NAT10: variants seen among roughly 807,000 people sequenced by gnomAD.
NAT10 encodes the protein RNA cytidine acetyltransferase.
A neutral mutation model predicts 132.2 loss-of-function variants in NAT10; 109 were observed. The ratio of observed to expected loss-of-function variants is 0.82; its 90% CI spans 0.71 to 0.97. The LOEUF (loss-of-function observed/expected upper bound fraction) is 0.97, where lower values mean the gene tolerates loss of function less well. NAT10 is among the 50% of genes least tolerant of loss of function. NAT10 has a pLI of 0.00. For synonymous variants in NAT10, 479 were observed against 478.0 expected, an observed-to-expected ratio of 1.00 and a Z score of -0.03; for missense variants, 1,184 against 1,263.4, an observed-to-expected ratio of 0.94 and a Z score of 0.95.
At chr11:34,143,380 T>G in intron 27 of NAT10, 65 bp from the exon 28 acceptor site, 2 of 1,379,368 alleles carry the variant, frequency 1.4e-6, no homozygotes, top group Non-Finnish European at 2.0e-6. Flanking sequence ...TCACTGTCGT[T>G]ATTTTCTCTT....
chr11:34,110,340 G>A (rs754537652), intron 3 of NAT10, among the ~76,000 whole-genome samples: 8 of 151,428 alleles, frequency 5.3e-5, no homozygotes, highest in Non-Finnish European at 1.2e-4. Context: ...TCCTCTGCTT[G>A]GAATGCCACT....
At chr11:34,136,571 C>T (rs1007410220) in intron 19 of NAT10, 71 bp from the exon 20 acceptor site, 29 of 1,586,944 alleles carry the variant, frequency 1.8e-5, no homozygotes, top group Middle Eastern at 1.7e-4. Context: ...GAGTGCGCTG[C>T]GGCAGGGTGC....
intron 4 of NAT10, among the ~76,000 whole-genome samples, 161 bp downstream of exon 4, chr11:34,112,384 C>T (rs918948854): frequency 1.3e-5 from 2 of 152,198 alleles, no homozygotes; most frequent in Non-Finnish European, 2.9e-5. Context: ...TTCCAAAGTA[C>T]ACTCGGTCAC....
Position 34,132,229 on chromosome 11 carries a change from C to T in NAT10, c.1617+8C>T. 2 of 1,605,488 alleles carry T rather than the reference C, an allele frequency of 1.2e-6. No homozygotes were observed. The highest frequency in any genetic ancestry group is 1.1e-5 in the South Asian group (1 of 90,896). On this transcript the variant is annotated splice_region_variant and intron_variant, in intron 15 of 28. Transcript: ENST00000257829. Reference sequence around the variant, plus strand: ...GTGGCTTCTCACTACAAGGTAACTGCAGCTAGCCCTTGTGTGAATGGTAGC... The same window carrying T: ...GTGGCTTCTCACTACAAGGTAACTGTAGCTAGCCCTTGTGTGAATGGTAGC...
chr11:34,118,621 T>A (rs1851828419), intron 8 of NAT10, 118 bp downstream of exon 8: 1 of 707,900 alleles, frequency 1.4e-6, no homozygotes, highest in Non-Finnish European at 2.3e-6. Context: ...AGGGGACTTT[T>A]CCCCTTGCTC....
At chr11:34,133,192 G>A in intron 16 of NAT10, 50 bp downstream of exon 16, 1 of 1,379,674 alleles carries the variant, frequency 7.2e-7, no homozygotes, top group South Asian at 1.2e-5. Context: ...AACCACTGAG[G>A]CATCAGGAAT....
At chr11:34,140,086 A>G (rs139525757) in intron 23 of NAT10, among the ~76,000 whole-genome samples, 1,820 of 152,356 alleles carry the variant, frequency 0.012, 21 homozygotes, top group Non-Finnish European at 0.019. Flanking sequence ...ACACCAAATG[A>G]AGTGACAAAG....
chr11:34,140,322 G>T lies in NAT10; in HGVS notation c.2420-78G>T, dbSNP rs1421914852. ...CTGTTAGATGCTCCTGTGTGTTAGG[G>T]TGCCGCCTGGGGGCTGTGTGCTATC... On this transcript the variant is annotated intron_variant, in intron 23 of 28. Transcript: ENST00000257829. 3 of 1,389,086 alleles carry T rather than the reference G, an allele frequency of 2.2e-6. No homozygotes were observed. In the Admixed American group the frequency reaches 5.5e-5, roughly 26 times the overall value. The allele number at this position is 1,389,086 out of a possible 1,614,324, so 86.0% of individuals were successfully genotyped here. A position where few individuals can be genotyped will look rare whatever the true frequency, so the allele number is the denominator to read the frequency against.
intron 1 of NAT10, chr11:34,107,409 A>G (rs1590757158): frequency 6.6e-6 from 1 of 152,226 alleles, no homozygotes; most frequent in African/African-American, 2.4e-5. Flanking sequence ...ATTGATGGTT[A>G]TTGATTTCCC....
rs540363788 is a variant in NAT10 at position 34,140,133 on chromosome 11, G to A, written c.2420-267G>A. ...TGTAGTTGTGTTCCCCTAACCCTGG[G>A]CCACAGGGAGCTTTTCCTTGGTCCA... On this transcript the variant is annotated intron_variant, in intron 23 of 28. Coordinates refer to ENST00000257829, the MANE Select transcript of NAT10 (RefSeq NM_024662.3). 9.9e-5 allele frequency among the ~76,000 whole-genome samples: 15 copies of A among 151,366 alleles called. No individual in the cohort carries two copies. In the South Asian group the frequency reaches 3.2e-3, roughly 32 times the overall value.
chr11:34,134,418 C>T lies in NAT10; in HGVS notation c.1834C>T (p.Gln612Ter). Reference sequence around the variant, plus strand: ...CCTGATTCCATGGACAGTGTCAGAACAGGTGACGGGCTTTCCCTGGTGTGT... The same window carrying T: ...CCTGATTCCATGGACAGTGTCAGAATAGGTGACGGGCTTTCCCTGGTGTGT... ...GDLIPWTVSEQFQDPDFGGLS... is the reference protein window; with the variant it reads ...GDLIPWTVSE The change falls in exon 17 of 29, where the codon CAG becomes TAG. Residue 612 changes from glutamine to a stop codon, truncating the protein, a stop_gained and splice_region_variant. Coordinates refer to ENST00000257829, the MANE Select transcript of NAT10 (RefSeq NM_024662.3). LOFTEE classifies it high-confidence loss of function. 6 of 1,614,168 alleles carry T rather than the reference C, an allele frequency of 3.7e-6. No individual in the cohort carries two copies. Among genetic ancestry groups the T allele is most frequent in the Non-Finnish European group, 5.1e-6 (6 of 1,180,022 alleles).
At chr11:34,126,857 TGTAA>T (rs1374755823) in intron 11 of NAT10, among the ~76,000 whole-genome samples, 1 of 152,204 alleles carries the variant, frequency 6.6e-6, no homozygotes, top group Admixed American at 6.5e-5. Flanking sequence ...CATAAAGATA[TGTAA>T]GTGTTTATGT....
intron 9 of NAT10, among the ~76,000 whole-genome samples, chr11:34,123,219 A>G (rs1445495575): frequency 6.6e-6 from 1 of 152,180 alleles, no homozygotes; most frequent in Non-Finnish European, 1.5e-5. Context: ...CCAGTGATTT[A>G]CCCAAGATCC....
At chr11:34,141,286 A>C (rs1402686753) in intron 25 of NAT10, 78 bp downstream of exon 25, 1 of 1,592,160 alleles carries the variant, frequency 6.3e-7, no homozygotes, top group Non-Finnish European at 8.6e-7. Context: ...CGAGATGAAC[A>C]CATGTTAGCA....
In NAT10 at chr11:34,133,838, G is replaced by T. The variant is rs76607910; in HGVS notation, c.1735-481G>T. 8.7e-3 allele frequency among the ~76,000 whole-genome samples: 1,330 copies of T among 152,198 alleles called. 27 individuals carry two copies. The highest frequency in any genetic ancestry group is 0.029 in the African/African-American group (1,222 of 41,514). ...CTTCTGCCCTGTAACATGGGGCCTGGTAATTAAGCTCCTGTTAAGAATGGA... is the reference window on the plus strand; with the variant it reads ...CTTCTGCCCTGTAACATGGGGCCTGTTAATTAAGCTCCTGTTAAGAATGGA... On this transcript the variant is annotated intron_variant, in intron 16 of 28. Transcript: ENST00000257829.
intron 8 of NAT10, among the ~76,000 whole-genome samples, chr11:34,121,858 CAAAAAA>C (rs34304264): frequency 0.014 from 511 of 36,820 alleles, 10 homozygotes; most frequent in African/African-American, 0.054. Context: ...GACTCTGTCT[CAAAAAA>C]AAAAAAAAAA....
intron 8 of NAT10, among the ~76,000 whole-genome samples, chr11:34,121,749 A>C (rs2132949765): frequency 6.7e-6 from 1 of 150,282 alleles, no homozygotes; most frequent in East Asian, 2.0e-4. Context: ...AATCCTAGCT[A>C]CTTGGGAGGC....
chr11:34,109,701 A>G (rs1851659687), intron 3 of NAT10, among the ~76,000 whole-genome samples: 1 of 152,220 alleles, frequency 6.6e-6, no homozygotes, highest in African/African-American at 2.4e-5. Context: ...ATTGAGGTAT[A>G]TGGGATATTT....
intron 11 of NAT10, among the ~76,000 whole-genome samples, chr11:34,125,726 G>C (rs1851977402): frequency 6.6e-6 from 1 of 152,184 alleles, no homozygotes; most frequent in Non-Finnish European, 1.5e-5. Flanking sequence ...GCTTTGGGAG[G>C]CTGAGGTGGG....
Sources: gnomAD v4.1 joint callset for allele counts (sites outside exome capture counted in the v4.1 genomes callset) on GRCh38, gnomAD v4.1.1 for gene constraint, MANE v1.5 for transcripts, NCBI Gene and HGNC (gene_info 2026-07-23, HGNC 2026-07-21) for gene names.